Variants in GALNT13 observed in about 807,000 individuals in gnomAD.
The protein encoded by GALNT13 is UDP-GalNAc:polypeptide N-acetylgalactosaminyltransferase 13.
GALNT13 carries 28 observed loss-of-function variants against 64.2 expected under a neutral mutation model. The observed-to-expected ratio is 0.44, with a 90% confidence interval of 0.32 to 0.60. GALNT13 has a LOEUF of 0.60. Among genes scored for constraint, GALNT13 ranks in the 20% least tolerant of loss-of-function variants. The pLI, the probability that GALNT13 is intolerant of heterozygous loss-of-function variation, is 0.05. For synonymous variants in GALNT13, 214 were observed against 224.6 expected (o/e 0.95, Z 0.42); for missense variants, 577 against 669.8 (o/e 0.86, Z 1.53).
intron 4 of GALNT13, among the ~76,000 whole-genome samples, chr2:154,167,799 G>C (rs1685119416): frequency 6.6e-6 from 1 of 152,196 alleles, no homozygotes; most frequent in Admixed American, 6.5e-5. Flanking sequence ...CTTGCTTGGG[G>C]GGCGAGAACC....
the GALNT13 span, among the ~76,000 whole-genome samples, chr2:153,626,680 T>G: frequency 6.6e-6 from 1 of 152,112 alleles, no homozygotes; most frequent in Non-Finnish European, 1.5e-5. Context: ...ATTGGCTAAA[T>G]CAGGGATTGA....
chr2:153,092,495 TG>T, the GALNT13 span, among the ~76,000 whole-genome samples: 1 of 152,346 alleles, frequency 6.6e-6, no homozygotes, highest in Non-Finnish European at 1.5e-5. Context: ...TTCTATTTTT[TG>T]GTGTCCTCTT....
At chr2:154,363,247 T>C (rs1559113960) in intron 9 of GALNT13, among the ~76,000 whole-genome samples, 1 of 152,228 alleles carries the variant, frequency 6.6e-6, no homozygotes, top group Non-Finnish European at 1.5e-5. Context: ...ATCACTACTC[T>C]TTCATCTTCT....
At chr2:153,943,326 C>A (rs183102698) in intron 2 of GALNT13, among the ~76,000 whole-genome samples, 27 of 152,154 alleles carry the variant, frequency 1.8e-4, no homozygotes, top group African/African-American at 6.0e-4. Context: ...AAATTGGATG[C>A]GTGCTATCTA....
the GALNT13 span, among the ~76,000 whole-genome samples, chr2:153,696,111 G>C: frequency 3.9e-5 from 6 of 152,180 alleles, no homozygotes; most frequent in Non-Finnish European, 8.8e-5. Flanking sequence ...AAGGAAGTCA[G>C]TCCGAGTCCC....
At chr2:153,090,960 C>G in the GALNT13 span, among the ~76,000 whole-genome samples, 1 of 151,770 alleles carries the variant, frequency 6.6e-6, no homozygotes, top group Non-Finnish European at 1.5e-5. Flanking sequence ...AGTTTCACTC[C>G]TGCAGTGCCC....
chr2:154,141,353 C>G (rs1361823330), intron 4 of GALNT13, among the ~76,000 whole-genome samples: 1 of 152,004 alleles, frequency 6.6e-6, no homozygotes, highest in Non-Finnish European at 1.5e-5. Flanking sequence ...ATTTTTTTCA[C>G]TTTTAAACTG....
intron 3 of GALNT13, among the ~76,000 whole-genome samples, chr2:154,005,845 C>T (rs917634046): frequency 2.0e-5 from 3 of 152,116 alleles, no homozygotes; most frequent in African/African-American, 7.2e-5. Context: ...GTATAACAGT[C>T]AGAGATTTTG....
the GALNT13 span, among the ~76,000 whole-genome samples, chr2:153,535,425 ACAGTGTAAACCGG>A: frequency 2.0e-5 from 3 of 152,044 alleles, no homozygotes. Flanking sequence ...GCTTGGAAAA[ACAGTGTAAACCGG>A]CAGTGTAAAC....
intron 4 of GALNT13, among the ~76,000 whole-genome samples, chr2:154,191,267 G>T (rs577693187): frequency 6.6e-6 from 1 of 151,974 alleles, no homozygotes; most frequent in Non-Finnish European, 1.5e-5. Flanking sequence ...GCGCACGCAC[G>T]CACACACACA....
At chr2:153,628,352 A>G in the GALNT13 span, among the ~76,000 whole-genome samples, 1 of 152,174 alleles carries the variant, frequency 6.6e-6, no homozygotes, top group Non-Finnish European at 1.5e-5. Flanking sequence ...TCTCCTGCCG[A>G]ATTGCCCTGG....
the GALNT13 span, among the ~76,000 whole-genome samples, chr2:153,744,869 C>A: frequency 1.3e-5 from 2 of 152,066 alleles, no homozygotes; most frequent in East Asian, 3.9e-4. Flanking sequence ...GAGTATCTTC[C>A]CAGGTGAGGT....
In GALNT13 at chr2:154,258,936, T is replaced by C. The variant is rs368458759; in HGVS notation, c.858-85T>C. On this transcript the variant is annotated intron_variant, in intron 7 of 12. Coordinates refer to ENST00000392825, the MANE Select transcript of GALNT13 (RefSeq NM_052917.4). ...TGAGATTTTTTAAATATTTAGAATG[T>C]CTCAAAAATACGTGCTACAGTCTCA... 303 of 705,850 alleles carry C rather than the reference T, an allele frequency of 4.3e-4. 1 individual carries two copies. The highest frequency in any genetic ancestry group is 7.6e-4 in the Middle Eastern group (3 of 3,970). 43.7% of individuals were successfully genotyped at this position (705,850 alleles called of 1,614,324 possible).
intron 2 of GALNT13, among the ~76,000 whole-genome samples, chr2:153,913,315 CA>C (rs1431391913): frequency 6.6e-6 from 1 of 152,136 alleles, no homozygotes; most frequent in African/African-American, 2.4e-5. Context: ...GCATCCATGT[CA>C]ACAGCAGTGG....
the GALNT13 span, among the ~76,000 whole-genome samples, chr2:153,705,788 GAGGA>G: frequency 6.6e-6 from 1 of 152,178 alleles, no homozygotes; most frequent in Non-Finnish European, 1.5e-5. Context: ...CTTCTTATGG[GAGGA>G]AGTGCAGAGT....
chr2:153,690,388 T>C, the GALNT13 span, among the ~76,000 whole-genome samples: 1 of 152,156 alleles, frequency 6.6e-6, no homozygotes. Context: ...CAAGCCTCTC[T>C]GATCCAATAC....
At chr2:153,103,268 C>T in the GALNT13 span, among the ~76,000 whole-genome samples, 2 of 144,992 alleles carry the variant, frequency 1.4e-5, no homozygotes, top group African/African-American at 5.8e-5. Flanking sequence ...GCACACTGTC[C>T]TTCTTTCTGT....
At chr2:153,645,885 G>A in the GALNT13 span, among the ~76,000 whole-genome samples, 30 of 152,130 alleles carry the variant, frequency 2.0e-4, no homozygotes, top group Admixed American at 7.2e-4. Context: ...ATACCAGGTA[G>A]CTAGGCAACC....
At chr2:154,169,000 C>G (rs1685197433) in intron 4 of GALNT13, among the ~76,000 whole-genome samples, 1 of 151,984 alleles carries the variant, frequency 6.6e-6, no homozygotes, top group Admixed American at 6.6e-5. Context: ...CCAGTTTGTG[C>G]AGAGATCACA....
Sources: gnomAD v4.1 joint callset for allele counts (sites outside exome capture counted in the v4.1 genomes callset) on GRCh38, gnomAD v4.1.1 for gene constraint, MANE v1.5 for transcripts, NCBI Gene and HGNC (gene_info 2026-07-23, HGNC 2026-07-21) for gene names.